TFAP2A: variants seen among roughly 807,000 people sequenced by gnomAD.
TFAP2A encodes transcription factor AP-2-alpha.
In TFAP2A, 7 loss-of-function variants were observed where a neutral mutation model predicts 41.5. The ratio of observed to expected loss-of-function variants is 0.17; its 90% CI spans 0.10 to 0.32. The LOEUF (loss-of-function observed/expected upper bound fraction) is 0.32. Ranked by LOEUF, TFAP2A falls within the 10% of genes least tolerant of loss-of-function variation. TFAP2A has a pLI of 1.00. For missense variants in TFAP2A, 416 were observed against 563.3 expected, an observed-to-expected ratio of 0.74 and a Z score of 2.65; for synonymous variants, 247 against 242.8, an observed-to-expected ratio of 1.02 and a Z score of -0.16.
Position 10,409,920 on chromosome 6 carries a change from T to A in TFAP2A, c.467A>T (p.His156Leu), listed in dbSNP as rs754995203. ...TCTTACCGGGACCTCCTCGATGGCG[T>A]GAGGTAAGGAGTGGATCGAGAGGTC... ...LGDLSIHSLP[H>L]AIEEVPHVED... Residue 156 changes from histidine to leucine, a missense_variant, in exon 2 of 7, where the codon CAC becomes CTC. Physicochemically the swap from His to Leu is moderately conservative, Grantham distance 99 (BLOSUM62 -3). Transcript: ENST00000379613. 2 of 1,549,116 alleles carry A rather than the reference T, an allele frequency of 1.3e-6. No individual in the cohort carries two copies. The highest frequency in any genetic ancestry group is 8.7e-7 in the Non-Finnish European group (1 of 1,144,928).
upstream of TFAP2A, among the ~76,000 whole-genome samples, chr6:10,419,216 G>T (rs928521903): frequency 6.6e-6 from 1 of 152,162 alleles, no homozygotes; most frequent in African/African-American, 2.4e-5. Flanking sequence ...CGCGCTTTGC[G>T]CCCAGCACCG....
Position 10,398,105 on chromosome 6 carries a change from C to T in TFAP2A, c.*312G>A, listed in dbSNP as rs970522088. 4.9e-6 allele frequency: 6 copies of T among 1,226,964 alleles called. No homozygotes were observed. In the African/African-American group the frequency reaches 7.9e-5, roughly 16 times the overall value. The allele number at this position is 1,226,964 out of a possible 1,614,324, so 76.0% of individuals were successfully genotyped here. ...GTTTAAAAAAAAAAGGGTTCACAAA[C>T]TTGGCAGAACTTTTCTCTGCTGGCT... On this transcript the variant is annotated 3_prime_UTR_variant, in exon 7 of 7. Transcript: ENST00000379613. This position sits in a 1 kb window ranked among gnomAD's most constrained non-coding sequence, Gnocchi z 5.3.
rs1357212931 is a variant in TFAP2A, at chr6:10,398,076, TTTTG to T, written c.*337_*340del. On this transcript the variant is annotated 3_prime_UTR_variant, in exon 7 of 7. Transcript: ENST00000379613. The surrounding 1 kb of genome is among the most constrained non-coding windows in gnomAD (Gnocchi z 5.3). The stretch of plus-strand genomic sequence containing the variant: ...TGTTGTTGCTGTTGTTGATTTGTTG[TTTTG>T]TTTAAAAAAAAAAGGGTTCACAAAC... 43 of 1,173,758 alleles carry T rather than the reference TTTTG, an allele frequency of 3.7e-5. No individual in the cohort carries two copies. Among genetic ancestry groups the T allele is most frequent in the Non-Finnish European group, 4.3e-5 (41 of 955,156 alleles). The allele number at this position is 1,173,758 out of a possible 1,614,324, so 72.7% of individuals were successfully genotyped here.
chr6:10,412,223 G>A (rs1055422439), intron 1 of TFAP2A: 107 of 987,314 alleles, frequency 1.1e-4, no homozygotes, highest in Non-Finnish European at 1.2e-4. Flanking sequence ...GAGCGGGCGA[G>A]CGCGCGGGGG....
rs766641930 is a variant in TFAP2A, at chr6:10,410,024, C to T, written c.363G>A (p.Ser121=). The change falls in exon 2 of 7, where the codon TCG becomes TCA. Residue 121 remains serine (S), a synonymous_variant. Coordinates refer to ENST00000379613, the MANE Select transcript of TFAP2A (RefSeq NM_001372066.1). ...HTHRGLPHQL[S]GLDPRRDYRR... ...TGTAGTCCCTGCGAGGATCCAGGCC[C>T]GACAGCTGGTGAGGCAGCCCCCGGT... 4.3e-6 allele frequency: 7 copies of T among 1,612,664 alleles called. No homozygotes were observed. Among genetic ancestry groups the T allele is most frequent in the Non-Finnish European group, 5.9e-6 (7 of 1,179,640 alleles).
At chr6:10,405,295 G>T (rs1421376151) in intron 3 of TFAP2A, 1 of 153,002 alleles carries the variant, frequency 6.5e-6, no homozygotes, top group Admixed American at 6.5e-5. Context: ...ACCACGCTGG[G>T]AAGTGGTGGA....
chr6:10,403,617 C>CAT (rs147711481), intron 4 of TFAP2A, among the ~76,000 whole-genome samples: 15,766 of 152,108 alleles, frequency 0.1, 908 homozygotes, highest in Middle Eastern at 0.22. Flanking sequence ...AGAGAAGAAA[C>CAT]ATTATCCGGG....
chr6:10,418,123 A>G (rs1415887716), upstream of TFAP2A: 1 of 152,262 alleles, frequency 6.6e-6, no homozygotes, highest in Admixed American at 6.5e-5. Context: ...TGGGATTTGC[A>G]TCCTTAAACC....
upstream of TFAP2A, chr6:10,419,391 AC>A (rs747869322): frequency 2.5e-6 from 4 of 1,611,002 alleles, no homozygotes; most frequent in Admixed American, 6.7e-5. Flanking sequence ...GCCCACCTCA[AC>A]CCCAGCCAAG....
Position 10,398,310 on chromosome 6 carries a change from C to T in TFAP2A, c.*107G>A, listed in dbSNP as rs1761865688. ...GCGGCGGCGGCGGCAGCAGCAGCAG[C>T]AGTAGCAGCAGCAGGAAGGGTTGCT... On this transcript the variant is annotated 3_prime_UTR_variant, in exon 7 of 7. Coordinates refer to ENST00000379613, the MANE Select transcript of TFAP2A (RefSeq NM_001372066.1). The surrounding 1 kb of genome is among the most constrained non-coding windows in gnomAD (Gnocchi z 5.3). 6.3e-6 allele frequency: 10 copies of T among 1,590,404 alleles called. No homozygotes were observed. The Admixed American group carries it at 1.0e-4, about 17-fold the overall frequency.
upstream of TFAP2A, chr6:10,416,904 G>A (rs1389499332): frequency 2.6e-5 from 4 of 152,474 alleles, no homozygotes; most frequent in Non-Finnish European, 5.9e-5. Context: ...CCATGCTCTG[G>A]GCCTCCCTTG....
At position 10,404,456 on chromosome 6, in the gene TFAP2A, A is replaced by G. The variant is rs570439086; in HGVS notation, c.770+52T>C. 23 of 1,362,590 alleles carry G rather than the reference A, an allele frequency of 1.7e-5. No individual in the cohort carries two copies. In the South Asian group the frequency reaches 3.6e-4, roughly 22 times the overall value. The allele number at this position is 1,362,590 out of a possible 1,614,324, so 84.4% of individuals were successfully genotyped here. A position where few individuals can be genotyped will look rare whatever the true frequency, so the allele number is the denominator to read the frequency against. ...GCCGCCACCGCCCCGGCGCAAGCGC[A>G]GTGGTTCCCCCGGCCGCGGGGCGGG... On this transcript the variant is annotated intron_variant, in intron 4 of 6. Transcript: ENST00000379613.
At chr6:10,400,978 T>G (rs959608389) in intron 5 of TFAP2A, among the ~76,000 whole-genome samples, 2 of 152,216 alleles carry the variant, frequency 1.3e-5, no homozygotes, top group African/African-American at 2.4e-5. Flanking sequence ...AGGGAACAAC[T>G]GAGGGGTTAC....
chr6:10,419,360 C>G (rs1024319842), upstream of TFAP2A: 11 of 1,583,880 alleles, frequency 6.9e-6, no homozygotes, highest in African/African-American at 4.0e-5. Flanking sequence ...CCGCTCCGGC[C>G]CCCTCCCCTA....
rs1761862191 is a variant in TFAP2A, at chr6:10,398,274, G to GGGCAGCGGCGGCGGCGGCGGC, written c.*122_*142dup. 6 of 1,566,240 alleles carry GGGCAGCGGCGGCGGCGGCGGC rather than the reference G, an allele frequency of 3.8e-6. No individual in the cohort carries two copies. The highest frequency in any genetic ancestry group is 4.3e-6 in the Non-Finnish European group (5 of 1,160,924). On this transcript the variant is annotated 3_prime_UTR_variant, in exon 7 of 7. Transcript: ENST00000379613. This position sits in a 1 kb window ranked among gnomAD's most constrained non-coding sequence, Gnocchi z 5.3. Reference sequence around the variant, plus strand: ...GTCCCGGAGACTCGGGGGGACCCAAGGGCAGCGGCGGCGGCGGCGGCGGCA... The same window carrying GGGCAGCGGCGGCGGCGGCGGC: ...GTCCCGGAGACTCGGGGGGACCCAAGGGCAGCGGCGGCGGCGGCGGCGGCAGCGGCGGCGGCGGCGGCGGCA...
chr6:10,404,427 C>A, intron 4 of TFAP2A, 81 bp downstream of exon 4: 1 of 1,058,734 alleles, frequency 9.4e-7, no homozygotes, highest in Non-Finnish European at 1.2e-6. Context: ...GGCCTGTTTG[C>A]GTCGCCGCCA....
At chr6:10,409,463 CTT>C (rs2113200628) in intron 2 of TFAP2A, 1 of 198,414 alleles carries the variant, frequency 5.0e-6, no homozygotes. Flanking sequence ...CTTAGTGTGT[CTT>C]TTACACTTCC....
At chr6:10,413,881 C>T (rs199912461) in intron 1 of TFAP2A, among the ~76,000 whole-genome samples, 3 of 143,206 alleles carry the variant, frequency 2.1e-5, no homozygotes, top group Non-Finnish European at 4.6e-5. Flanking sequence ...AAAAAAAAAA[C>T]AGCAAAAGTT....
upstream of TFAP2A, among the ~76,000 whole-genome samples, chr6:10,417,468 T>A (rs1290116108): frequency 6.6e-6 from 1 of 152,232 alleles, no homozygotes; most frequent in African/African-American, 2.4e-5. Flanking sequence ...GCTGCATTTA[T>A]GCCAGCGTCA....
Sources: allele counts gnomAD v4.1 joint callset (sites outside exome capture counted in the v4.1 genomes callset), GRCh38; gene constraint gnomAD v4.1.1; non-coding constraint Gnocchi (gnomAD v3.1); transcripts MANE v1.5; gene names NCBI Gene and HGNC (gene_info 2026-07-23, HGNC 2026-07-21).